Variants in GNB4 observed in about 807,000 individuals in gnomAD.
GNB4 encodes guanine nucleotide-binding protein subunit beta-4.
A neutral mutation model predicts 45.2 loss-of-function variants in GNB4; 28 were observed. That is an observed-to-expected ratio of 0.62 (90% confidence interval 0.46 to 0.85). The LOEUF is 0.85. Among genes scored for constraint, GNB4 ranks in the 40% least tolerant of loss-of-function variants. The pLI, the probability that GNB4 is intolerant of heterozygous loss-of-function variation, is 0.00. For synonymous variants in GNB4, 132 were observed against 143.7 expected (o/e 0.92, Z 0.58); for missense variants, 321 against 425.4 (o/e 0.75, Z 2.16).
the GNB4 span, among the ~76,000 whole-genome samples, chr3:179,499,841 G>A: frequency 6.6e-6 from 1 of 152,092 alleles, no homozygotes; most frequent in Non-Finnish European, 1.5e-5. Context: ...GTGATGATGA[G>A]CTTTTTTTCA....
the GNB4 span, among the ~76,000 whole-genome samples, chr3:179,468,524 AC>A: frequency 2.8e-4 from 42 of 151,890 alleles, no homozygotes; most frequent in African/African-American, 9.4e-4. Context: ...AAAACAAAAA[AC>A]AAAGGTAGCC....
the GNB4 span, chr3:179,464,697 A>G: frequency 9.4e-7 from 1 of 1,063,548 alleles, no homozygotes; most frequent in Non-Finnish European, 1.5e-6. Flanking sequence ...GAATTTAATC[A>G]GCAAACTGAA....
chr3:179,481,564 T>C, the GNB4 span, among the ~76,000 whole-genome samples: 1 of 152,272 alleles, frequency 6.6e-6, no homozygotes, highest in Non-Finnish European at 1.5e-5. Flanking sequence ...GGTCTTGAAT[T>C]CCTAAGCTCA....
intron 1 of GNB4, among the ~76,000 whole-genome samples, chr3:179,438,803 A>T (rs752077511): frequency 7.2e-5 from 11 of 152,124 alleles, no homozygotes; most frequent in Non-Finnish European, 1.6e-4. Context: ...TCAAAGGGGG[A>T]GAGAGAATAG....
the GNB4 span, among the ~76,000 whole-genome samples, chr3:179,465,897 A>G: frequency 6.7e-6 from 1 of 149,976 alleles, no homozygotes; most frequent in Non-Finnish European, 1.5e-5. Context: ...GCCTCTAGCA[A>G]TCAATCCTCT....
chr3:179,409,830 A>C (rs756902656), intron 8 of GNB4, among the ~76,000 whole-genome samples: 5 of 114,260 alleles, frequency 4.4e-5, no homozygotes, highest in Non-Finnish European at 7.3e-5. Context: ...CAAAAAAACA[A>C]AACAAAAAAA....
the GNB4 span, among the ~76,000 whole-genome samples, chr3:179,513,198 T>TTTC: frequency 1.3e-5 from 2 of 150,460 alleles, no homozygotes; most frequent in Non-Finnish European, 3.0e-5. Context: ...AATTTTTTTT[T>TTTC]TTTTTTTTTT....
At chr3:179,437,406 A>G (rs1250843542) in intron 1 of GNB4, among the ~76,000 whole-genome samples, 1 of 151,868 alleles carries the variant, frequency 6.6e-6, no homozygotes, top group African/African-American at 2.4e-5. Context: ...CTCTACTAAA[A>G]ATACAAAAAT....
At chr3:179,464,776 C>G in the GNB4 span, 1 of 1,301,408 alleles carries the variant, frequency 7.7e-7, no homozygotes, top group Admixed American at 1.7e-5. Context: ...AGAGAAGGAT[C>G]TGCAATGCTG....
At chr3:179,475,634 G>T in the GNB4 span, among the ~76,000 whole-genome samples, 1 of 151,024 alleles carries the variant, frequency 6.6e-6, no homozygotes, top group South Asian at 2.1e-4. Context: ...CACCACACCC[G>T]GCTAATTTTT....
the GNB4 span, among the ~76,000 whole-genome samples, chr3:179,510,921 G>C: frequency 1.3e-5 from 2 of 152,124 alleles, no homozygotes; most frequent in African/African-American, 4.8e-5. Flanking sequence ...ATCTGGGCAC[G>C]CCTGAAGTTT....
the GNB4 span, among the ~76,000 whole-genome samples, chr3:179,475,334 A>T: frequency 1.3e-5 from 2 of 151,306 alleles, no homozygotes; most frequent in African/African-American, 2.4e-5. Flanking sequence ...TTAGCCAGGA[A>T]AGTCTTGATC....
At position 179,413,402 on chromosome 3, in the gene GNB4, A is replaced by G. The variant is rs1433602623; in HGVS notation, c.699+10T>C. ...ATAATAAATTTTCTCTAGAAATGCT[A>G]TTCACTTACACTGACAGCATTGATA... is the stretch of plus-strand genomic sequence containing the variant. On this transcript the variant is annotated intron_variant, in intron 8 of 9. Coordinates refer to ENST00000232564, the MANE Select transcript of GNB4 (RefSeq NM_021629.4). The G allele has an allele frequency of 6.2e-7, 1 of 1,601,892 alleles. No homozygotes were observed. The highest frequency in any genetic ancestry group is 8.6e-7 in the Non-Finnish European group (1 of 1,168,880).
At chr3:179,463,180 C>T in the GNB4 span, among the ~76,000 whole-genome samples, 2 of 152,116 alleles carry the variant, frequency 1.3e-5, no homozygotes, top group Non-Finnish European at 2.9e-5. Context: ...CGTAGTCACT[C>T]GAAACAAAGC....
rs6792342 is a variant in GNB4, at chr3:179,401,611, A to G, written c.917-292T>C. On this transcript the variant is annotated intron_variant, in intron 9 of 9. Coordinates refer to ENST00000232564, the MANE Select transcript of GNB4 (RefSeq NM_021629.4). ...TTATAATTCAACTTATATCTAGGAA[A>G]ACATATGCAGACAATTATTCCACAT... Among the ~76,000 whole-genome samples, 3,639 of 152,308 alleles carry G rather than the reference A, an allele frequency of 0.024. 157 individuals carry two copies. The highest frequency in any genetic ancestry group is 0.083 in the African/African-American group (3,468 of 41,548).
At chr3:179,480,960 G>C in the GNB4 span, among the ~76,000 whole-genome samples, 1 of 147,598 alleles carries the variant, frequency 6.8e-6, no homozygotes, top group Non-Finnish European at 1.5e-5. Context: ...CACCCATTCT[G>C]CTGCCTCAGC....
intron 6 of GNB4, among the ~76,000 whole-genome samples, chr3:179,414,478 A>G (rs1714737457): frequency 6.6e-6 from 1 of 152,240 alleles, no homozygotes; most frequent in South Asian, 2.1e-4. Context: ...TGATGGGCAC[A>G]CTGGCAAACA....
At chr3:179,440,508 CAT>C (rs758190984) in intron 1 of GNB4, among the ~76,000 whole-genome samples, 2 of 152,062 alleles carry the variant, frequency 1.3e-5, no homozygotes, top group Non-Finnish European at 2.9e-5. Context: ...CTGACTTTTA[CAT>C]GTTTTATTAT....
intron 1 of GNB4, among the ~76,000 whole-genome samples, chr3:179,429,024 G>A (rs114337393): frequency 0.012 from 1,843 of 152,316 alleles, 38 homozygotes; most frequent in African/African-American, 0.042. Flanking sequence ...ATCACTCCGT[G>A]GATGGGGCAC....
Sources: allele counts gnomAD v4.1 joint callset (sites outside exome capture counted in the v4.1 genomes callset), GRCh38; gene constraint gnomAD v4.1.1; transcripts MANE v1.5; gene names NCBI Gene and HGNC (gene_info 2026-07-23, HGNC 2026-07-21).